The following SIK3 variants were observed in gnomAD, a reference collection of about 807,000 sequenced individuals.
The protein encoded by SIK3 is serine/threonine-protein kinase SIK3.
SIK3 carries 28 observed loss-of-function variants against 144.2 expected under a neutral mutation model. The observed-to-expected ratio is 0.19, with a 90% CI of 0.14 to 0.27. SIK3 has a LOEUF of 0.27. SIK3 is among the 10% of genes least tolerant of loss of function. The pLI, the probability that SIK3 is intolerant of heterozygous loss-of-function variation, is 1.00. For missense variants in SIK3, 1,319 were observed against 1,776.0 expected, an observed-to-expected ratio of 0.74 and a Z score of 4.62; for synonymous variants, 686 against 676.3, an observed-to-expected ratio of 1.01 and a Z score of -0.22.
intron 1 of SIK3, among the ~76,000 whole-genome samples, chr11:117,008,528 GT>G (rs1951136549): frequency 6.6e-6 from 1 of 152,100 alleles, no homozygotes; most frequent in Non-Finnish European, 1.5e-5. Flanking sequence ...ATGGAGAAAA[GT>G]CAAACCCTCA....
At chr11:116,909,667 G>A (rs920976751) in intron 4 of SIK3, among the ~76,000 whole-genome samples, 1 of 152,202 alleles carries the variant, frequency 6.6e-6, no homozygotes, top group Non-Finnish European at 1.5e-5. Flanking sequence ...TAGGGCTTTT[G>A]AGGGCAGAGG....
At chr11:116,902,355 T>G (rs1039269433) in intron 4 of SIK3, among the ~76,000 whole-genome samples, 1 of 152,246 alleles carries the variant, frequency 6.6e-6, no homozygotes, top group Non-Finnish European at 1.5e-5. Flanking sequence ...ACAAACCTAA[T>G]AGTGTGAGCT....
rs898616186 is a variant in SIK3 at position 116,927,446 on chromosome 11, TAAG to T, written c.455-69_455-67del. ...CTTGTGTAATTTCAAAAGGTAGACT[TAAG>T]GAGGGCTACAAGGGGCCCTCTCGAG... On this transcript the variant is annotated intron_variant, in intron 3 of 24. Coordinates refer to ENST00000445177, the MANE Select transcript of SIK3 (RefSeq NM_001366686.3). The T allele has an allele frequency of 1.2e-5, 19 of 1,521,406 alleles. No individual in the cohort carries two copies. In the African/African-American group the frequency reaches 2.2e-4, roughly 18 times the overall value. The allele number at this position is 1,521,406 out of a possible 1,614,324, so 94.2% of individuals were successfully genotyped here.
intron 1 of SIK3, among the ~76,000 whole-genome samples, chr11:117,057,152 T>G (rs1272429495): frequency 6.6e-6 from 1 of 152,190 alleles, no homozygotes; most frequent in Non-Finnish European, 1.5e-5. Context: ...ACTACATACA[T>G]TACCCTTGTG....
rs1170705576 is a variant in SIK3, at chr11:116,844,817, G to A, written c.*826C>T. 6.6e-6 allele frequency: 1 copy of A among 151,044 alleles called. No individual in the cohort carries two copies. Among genetic ancestry groups the A allele is most frequent in the African/African-American group, 2.4e-5 (1 of 41,136 alleles). The allele number at this position is 151,044 out of a possible 1,614,324, so 9.4% of individuals were successfully genotyped here. A position where few individuals can be genotyped will look rare whatever the true frequency, so the allele number is the denominator to read the frequency against. On this transcript the variant is annotated 3_prime_UTR_variant, in exon 25 of 25. Transcript: ENST00000445177. ...GGTGTTCAGTCCATGGATAAAACCAGCAGGATGATAAAGGCAACCAACTTT... is the reference window on the plus strand; with the variant it reads ...GGTGTTCAGTCCATGGATAAAACCAACAGGATGATAAAGGCAACCAACTTT...
chr11:117,062,622 G>A (rs1417317366), intron 1 of SIK3, among the ~76,000 whole-genome samples: 1 of 151,994 alleles, frequency 6.6e-6, no homozygotes, highest in Non-Finnish European at 1.5e-5. Flanking sequence ...TTTCAATTCT[G>A]AATCATTTCT....
rs1271278991 is a variant in SIK3, at chr11:116,873,365, T to G, written c.1737+116A>C. 12 of 1,407,058 alleles carry G rather than the reference T, an allele frequency of 8.5e-6. No individual in the cohort carries two copies. The South Asian group carries it at 1.3e-4, about 16-fold the overall frequency. 87.2% of individuals were successfully genotyped at this position (1,407,058 alleles called of 1,614,324 possible). On this transcript the variant is annotated intron_variant, in intron 13 of 24. Transcript: ENST00000445177. ...GAAAATGGGCTGGAGCATCCTAAGTTTGGAGAAAAAGGAAATTCAGACATG... is the reference window on the plus strand; with the variant it reads ...GAAAATGGGCTGGAGCATCCTAAGTGTGGAGAAAAAGGAAATTCAGACATG...
intron 13 of SIK3, among the ~76,000 whole-genome samples, chr11:116,872,487 T>C (rs1944018991): frequency 6.6e-6 from 1 of 152,210 alleles, no homozygotes; most frequent in East Asian, 1.9e-4. Context: ...GCAAGGGCTA[T>C]GATATATAAT....
At chr11:117,039,217 TAAAA>T (rs1454157364) in intron 1 of SIK3, among the ~76,000 whole-genome samples, 1 of 152,186 alleles carries the variant, frequency 6.6e-6, no homozygotes, top group East Asian at 1.9e-4. Flanking sequence ...ATTTGATAAA[TAAAA>T]AGATACCTAT....
intron 1 of SIK3, among the ~76,000 whole-genome samples, chr11:116,975,149 C>T (rs1351668980): frequency 6.6e-6 from 1 of 151,526 alleles, no homozygotes; most frequent in African/African-American, 2.4e-5. Flanking sequence ...TTCTCCTCAG[C>T]AAGAATTTCC....
chr11:117,077,352 G>A (rs1391395774), intron 1 of SIK3, among the ~76,000 whole-genome samples: 4 of 152,106 alleles, frequency 2.6e-5, no homozygotes, highest in African/African-American at 7.2e-5. Flanking sequence ...CTTGGTCCTC[G>A]CTTTCTGGTG....
chr11:117,078,112 C>T (rs1487020338), intron 1 of SIK3, among the ~76,000 whole-genome samples: 1 of 152,200 alleles, frequency 6.6e-6, no homozygotes, highest in Non-Finnish European at 1.5e-5. Context: ...GTTCCATTAG[C>T]TCAGTTCCCT....
intron 3 of SIK3, among the ~76,000 whole-genome samples, chr11:116,943,851 A>G (rs144022969): frequency 1.4e-3 from 209 of 152,194 alleles, no homozygotes; most frequent in African/African-American, 4.8e-3. Flanking sequence ...AGCACTATCA[A>G]ATAAAATACA....
rs1366152810 is a variant in SIK3, at chr11:116,849,769, T to C, written c.3656-486A>G. Reference sequence around the variant, plus strand: ...GACTCCTTTGATGGCCCCTCCACCCTTTCTAAGCAAGTACTCTCCACATTT... The same window carrying C: ...GACTCCTTTGATGGCCCCTCCACCCCTTCTAAGCAAGTACTCTCCACATTT... On this transcript the variant is annotated intron_variant, in intron 21 of 24. Transcript: ENST00000445177. The surrounding 1 kb of genome is among the most constrained non-coding windows in gnomAD (Gnocchi z 4.2). Among the ~76,000 whole-genome samples, 3 of 152,258 alleles carry C rather than the reference T, an allele frequency of 2.0e-5. No individual in the cohort carries two copies. Among genetic ancestry groups the C allele is most frequent in the South Asian group, 4.1e-4 (2 of 4,824 alleles).
chr11:117,020,555 G>C (rs1951727751), intron 1 of SIK3, among the ~76,000 whole-genome samples: 1 of 152,076 alleles, frequency 6.6e-6, no homozygotes, highest in Non-Finnish European at 1.5e-5. Flanking sequence ...TCAACCTCCA[G>C]GGAAAGGAGA....
intron 1 of SIK3, among the ~76,000 whole-genome samples, chr11:116,963,495 A>G (rs1023252713): frequency 1.3e-5 from 2 of 152,252 alleles, no homozygotes; most frequent in South Asian, 4.1e-4. Flanking sequence ...CATCATACAT[A>G]GCATAGTCTC....
Position 117,098,341 on chromosome 11 carries a change from G to A in SIK3, c.75C>T (p.Arg25=). The change falls in exon 1 of 25, where the codon CGC becomes CGT. Residue 25 remains arginine (R), a synonymous_variant. Coordinates refer to ENST00000445177, the MANE Select transcript of SIK3 (RefSeq NM_001366686.3). ...ACCCCGGCGCGGGCGGAGGCAGCAG[G>A]CGGCCCGCGGGCCCGGCTCCCCCAG... ...AGTGGAGPAG[R]LLPPPAPGSP... 8.7e-7 allele frequency: 1 copy of A among 1,150,194 alleles called. No homozygotes were observed. Among genetic ancestry groups the A allele is most frequent in the Non-Finnish European group, 1.1e-6 (1 of 938,976 alleles). The allele number at this position is 1,150,194 out of a possible 1,614,324, so 71.2% of individuals were successfully genotyped here.
At chr11:117,012,244 G>A (rs1192685149) in intron 1 of SIK3, among the ~76,000 whole-genome samples, 2 of 152,108 alleles carry the variant, frequency 1.3e-5, no homozygotes, top group Non-Finnish European at 2.9e-5. Context: ...AAAGTGTTGG[G>A]ATTATAGGCA....
chr11:116,877,104 G>A, intron 6 of SIK3, 62 bp from the exon 7 acceptor site: 1 of 1,456,190 alleles, frequency 6.9e-7, no homozygotes, highest in Non-Finnish European at 9.6e-7. Context: ...GGGAGTAGAG[G>A]AACCAGGGGC....
Sources: allele counts gnomAD v4.1 joint callset (sites outside exome capture counted in the v4.1 genomes callset), GRCh38; gene constraint gnomAD v4.1.1; non-coding constraint Gnocchi (gnomAD v3.1); transcripts MANE v1.5; gene names NCBI Gene and HGNC (gene_info 2026-07-23, HGNC 2026-07-21).